AHNAK: variants seen among roughly 807,000 people sequenced by gnomAD.
AHNAK encodes the protein neuroblast differentiation-associated protein AHNAK.
In AHNAK, 23 loss-of-function variants were observed where a neutral mutation model predicts 37.8. The ratio of observed to expected loss-of-function variants is 0.61; its 90% CI spans 0.44 to 0.86. The LOEUF is 0.86. Ranked by LOEUF, AHNAK falls within the 40% of genes least tolerant of loss-of-function variation. The pLI, the probability that AHNAK is intolerant of heterozygous loss-of-function variation, is 0.00. For missense variants in AHNAK, 7,411 were observed against 7,319.4 expected (o/e 1.01, Z -0.46); for synonymous variants, 2,481 against 2,636.3 (o/e 0.94, Z 1.80).
rs200358600 is a variant in AHNAK at position 62,530,904 on chromosome 11, G to A, written c.3513C>T (p.Leu1171=). The change falls in exon 5 of 5, where the codon CTC becomes CTT. Residue 1171 remains leucine (L), a synonymous_variant. Transcript: ENST00000378024. ...CCTTCAGCTTCCCTTCTGGACCTTC[G>A]AGGCTCACATCTGGGGCTTCGATGT... The part of the protein sequence containing the change: ...KVDIEAPDVS[L]EGPEGKLKGP... 9.9e-6 allele frequency: 16 copies of A among 1,610,912 alleles called. No individual in the cohort carries two copies. Among genetic ancestry groups the A allele is most frequent in the African/African-American group, 5.4e-5 (4 of 73,762 alleles).
chr11:62,484,226 T>G (rs1045498939), intron 5 of AHNAK, among the ~76,000 whole-genome samples: 4 of 150,898 alleles, frequency 2.7e-5, no homozygotes, highest in African/African-American at 7.3e-5. Context: ...AAAAAATTTT[T>G]TTTTAATTAG....
chr11:62,484,604 T>C (rs551216778), intron 5 of AHNAK, among the ~76,000 whole-genome samples: 1 of 152,200 alleles, frequency 6.6e-6, no homozygotes, highest in African/African-American at 2.4e-5. Context: ...AAGGAGCCCC[T>C]GTGGCCAGAG....
In AHNAK at chr11:62,522,806, G is replaced by A; in HGVS notation, c.11611C>T (p.Pro3871Ser). The A allele has an allele frequency of 6.2e-7, 1 of 1,613,784 alleles. No individual in the cohort carries two copies. Among genetic ancestry groups the A allele is most frequent in the Non-Finnish European group, 8.5e-7 (1 of 1,179,984 alleles). ...TCAATGTCAGGCATGGAGATCTTGG[G>A]GGCTTTGATGTTCATCTCAGGCATC... is the stretch of plus-strand genomic sequence containing the variant. ...FKMPEMNIKA[P>S]KISMPDIDLN... The change falls in exon 5 of 5, where the codon CCC (proline) becomes TCC (serine). Residue 3871 changes from proline to serine, a missense_variant. Transcript: ENST00000378024.
In AHNAK at chr11:62,515,994, A is replaced by C. The variant is rs1940005816; in HGVS notation, c.*750T>G. The C allele has an allele frequency of 2.6e-6, 3 of 1,165,474 alleles. No individual in the cohort carries two copies. Among genetic ancestry groups the C allele is most frequent in the South Asian group, 1.7e-5 (1 of 57,408 alleles). The allele number at this position is 1,165,474 out of a possible 1,614,324, so 72.2% of individuals were successfully genotyped here. ...CCATTAAAGTGCTGGAAATTTTCTTAATCATGATAACATTTGTTAAAAAGA... is the reference window on the plus strand; with the variant it reads ...CCATTAAAGTGCTGGAAATTTTCTTCATCATGATAACATTTGTTAAAAAGA... On this transcript the variant is annotated 3_prime_UTR_variant, in exon 5 of 5. Coordinates refer to ENST00000378024, the MANE Select transcript of AHNAK (RefSeq NM_001620.3).
chr11:62,513,461 G>A (rs547858076), downstream of AHNAK, among the ~76,000 whole-genome samples: 1 of 152,252 alleles, frequency 6.6e-6, no homozygotes, highest in Non-Finnish European at 1.5e-5. Context: ...CTTGAACCCG[G>A]GAGGCGGAGT....
intron 1 of AHNAK, among the ~76,000 whole-genome samples, chr11:62,542,588 T>C (rs1326488690): frequency 1.3e-5 from 2 of 152,122 alleles, no homozygotes; most frequent in African/African-American, 4.8e-5. Context: ...CCCCATCCCA[T>C]GCTACAGTGA....
chr11:62,534,793 T>C (rs905774613), intron 4 of AHNAK, among the ~76,000 whole-genome samples: 2 of 152,064 alleles, frequency 1.3e-5, no homozygotes, highest in Non-Finnish European at 2.9e-5. Flanking sequence ...AAGAGACTGA[T>C]TGAAGACATT....
intron 4 of AHNAK, among the ~76,000 whole-genome samples, chr11:62,504,461 C>T (rs1939771530): frequency 1.3e-5 from 2 of 152,122 alleles, no homozygotes; most frequent in African/African-American, 4.8e-5. Flanking sequence ...TCTGACTTCC[C>T]TATCTGGCTG....
Position 62,531,610 on chromosome 11 carries a change from A to G in AHNAK, c.2807T>C (p.Met936Thr), listed in dbSNP as rs748524577. 7 of 1,613,624 alleles carry G rather than the reference A, an allele frequency of 4.3e-6. No individual in the cohort carries two copies. The highest frequency in any genetic ancestry group is 4.0e-5 in the African/African-American group (3 of 74,722). Residue 936 changes from methionine (M) to threonine (T), a missense_variant, in exon 5 of 5, where the codon ATG becomes ACG. By Grantham distance (81) the Met-to-Thr change is moderately conservative. Transcript: ENST00000378024. ...GGGGGCCTTGATATTCATCTCTGGC[A>G]TCTTGAACTTGGGGCCCTTCAGCTT... The part of the protein sequence containing the change: ...EGKLKGPKFK[M>T]PEMNIKAPKI...
At chr11:62,445,959 GA>G (rs1484329137) in intron 5 of AHNAK, among the ~76,000 whole-genome samples, 1 of 151,684 alleles carries the variant, frequency 6.6e-6, no homozygotes, top group East Asian at 1.9e-4. Context: ...GAGGTTGCAA[GA>G]TCACACCACT....
chr11:62,472,843 T>C (rs1012919590), intron 5 of AHNAK, among the ~76,000 whole-genome samples: 1 of 151,924 alleles, frequency 6.6e-6, no homozygotes, highest in African/African-American at 2.4e-5. Flanking sequence ...TCCCAGCAAT[T>C]TGAGAGGCCA....
In AHNAK at chr11:62,527,684, T is replaced by C. The variant is rs780439655; in HGVS notation, c.6733A>G (p.Lys2245Glu). ...ATGCTGAACTTGGGCATTTTCATCT[T>C]AGGCATCTTCAGGTGCCAGTCTGGG... ...HGPDWHLKMP[K>E]MKMPKFSMPG... is the part of the protein sequence containing the mutation. Residue 2245 changes from lysine (K) to glutamate (E), a missense_variant, in exon 5 of 5, where the codon AAG (lysine) becomes GAG (glutamate). Lys to Glu is a moderately conservative substitution (Grantham distance 56). Transcript: ENST00000378024. The C allele has an allele frequency of 6.2e-7, 1 of 1,614,058 alleles. No individual in the cohort carries two copies.
chr11:62,507,662 C>T (rs1359082083), intron 4 of AHNAK, among the ~76,000 whole-genome samples: 2 of 152,022 alleles, frequency 1.3e-5, no homozygotes, highest in African/African-American at 2.4e-5. Flanking sequence ...GTGGTGGGCA[C>T]GCCTGTAGTC....
intron 5 of AHNAK, among the ~76,000 whole-genome samples, chr11:62,489,959 A>AGC (rs1245723564): frequency 6.6e-6 from 1 of 152,054 alleles, no homozygotes; most frequent in African/African-American, 2.4e-5. Context: ...GAGAGGGCAC[A>AGC]GCACCAAGTG....
At chr11:62,512,912 C>T (rs1236437574), downstream of AHNAK, among the ~76,000 whole-genome samples, 1 of 131,916 alleles carries the variant, frequency 7.6e-6, no homozygotes. The surrounding 1 kb of genome is among the most constrained non-coding windows in gnomAD (Gnocchi z 4.0). Context: ...AGGAAGAAGG[C>T]AAGGGAGGAA....
intron 4 of AHNAK, among the ~76,000 whole-genome samples, chr11:62,506,485 G>A (rs1325857766): frequency 6.6e-6 from 1 of 152,154 alleles, no homozygotes; most frequent in African/African-American, 2.4e-5. Flanking sequence ...ACTGTCAGGG[G>A]CAGGAGCAAC....
Position 62,528,281 on chromosome 11 carries a change from G to A in AHNAK, c.6136C>T (p.Leu2046=). ...DVDVHGPDWH[L]KMPKMKMPKF... is the part of the protein sequence containing the mutation. ...GGCATTTTCATCTTGGGCATCTTCA[G>A]GTGCCAGTCTGGGCCATGAACATCC... is the stretch of plus-strand genomic sequence containing the variant. Residue 2046 remains leucine (L), a synonymous_variant, in exon 5 of 5, where the codon CTG becomes TTG. Coordinates refer to ENST00000378024, the MANE Select transcript of AHNAK (RefSeq NM_001620.3). The A allele has an allele frequency of 1.2e-6, 2 of 1,613,978 alleles. No homozygotes were observed. The highest frequency in any genetic ancestry group is 1.7e-6 in the Non-Finnish European group (2 of 1,180,004).
intron 5 of AHNAK, among the ~76,000 whole-genome samples, chr11:62,488,457 A>G (rs1939437792): frequency 6.6e-6 from 1 of 151,148 alleles, no homozygotes; most frequent in Admixed American, 6.6e-5. Context: ...GCTGGAGTGC[A>G]ATGGCGCGAT....
At chr11:62,534,216 C>T (rs1940871190) in intron 4 of AHNAK, 142 bp from the exon 5 acceptor site, 1 of 771,742 alleles carries the variant, frequency 1.3e-6, no homozygotes, top group Non-Finnish European at 2.0e-6. Context: ...CCTCCTGGGG[C>T]ACAGCACAGG....
Sources: allele counts gnomAD v4.1 joint callset (sites outside exome capture counted in the v4.1 genomes callset), GRCh38; gene constraint gnomAD v4.1.1; non-coding constraint Gnocchi (gnomAD v3.1); transcripts MANE v1.5; gene names NCBI Gene and HGNC (gene_info 2026-07-23, HGNC 2026-07-21).